The following ELAVL4 variants were observed in gnomAD, a reference collection of about 807,000 sequenced individuals.
The protein encoded by ELAVL4 is ELAV-like protein 4.
In ELAVL4, 1 loss-of-function variant was observed where a neutral mutation model predicts 35.6. That is an observed-to-expected ratio of 0.03 (90% CI 0.01 to 0.13). The LOEUF (loss-of-function observed/expected upper bound fraction) is 0.13, where lower values mean the gene tolerates loss of function less well. Among genes scored for constraint, ELAVL4 ranks in the 10% least tolerant of loss-of-function variants. The pLI, the probability that ELAVL4 is intolerant of heterozygous loss-of-function variation, is 1.00. For missense variants in ELAVL4, 267 were observed against 464.9 expected, an observed-to-expected ratio of 0.57 and a Z score of 3.91; for synonymous variants, 156 against 171.0, an observed-to-expected ratio of 0.91 and a Z score of 0.69.
intron 1 of ELAVL4, among the ~76,000 whole-genome samples, chr1:50,139,800 G>A (rs1260693891): frequency 6.6e-6 from 1 of 152,148 alleles, no homozygotes; most frequent in Non-Finnish European, 1.5e-5. Context: ...CCCTGGTGAT[G>A]ATCCGGCAGC....
At chr1:50,130,845 G>T (rs1670731024) in intron 1 of ELAVL4, among the ~76,000 whole-genome samples, 1 of 152,110 alleles carries the variant, frequency 6.6e-6, no homozygotes, top group Admixed American at 6.6e-5. Context: ...GGGAGGGGCT[G>T]CTCCAATGAA....
At chr1:50,193,136 C>T (rs978864255) in intron 3 of ELAVL4, among the ~76,000 whole-genome samples, 12 of 152,098 alleles carry the variant, frequency 7.9e-5, no homozygotes. Flanking sequence ...GCAGATGTGA[C>T]GACAAGGTCA....
chr1:50,203,716 G>A lies in ELAVL4; in HGVS notation c.*2538G>A, dbSNP rs1305928470. 2 of 152,106 alleles carry A rather than the reference G, an allele frequency of 1.3e-5. No homozygotes were observed. Among genetic ancestry groups the A allele is most frequent in the Non-Finnish European group, 1.5e-5 (1 of 67,974 alleles). The allele number at this position is 152,106 out of a possible 1,614,324, so 9.4% of individuals were successfully genotyped here. On this transcript the variant is annotated 3_prime_UTR_variant, in exon 7 of 7. Coordinates refer to ENST00000371824, the MANE Select transcript of ELAVL4 (RefSeq NM_001144774.3). ...TGTTTTTTTTTCATAATCTTGTTGT[G>A]TTTGAATTATTTGTACTTTATCTGT...
chr1:50,093,860 CTG>C (rs1230295600), intron 1 of ELAVL4, among the ~76,000 whole-genome samples: 1 of 152,154 alleles, frequency 6.6e-6, no homozygotes, highest in Non-Finnish European at 1.5e-5. Context: ...AGTAAATACT[CTG>C]TGAATATTTG....
chr1:50,099,835 T>G (rs1421084129), upstream of ELAVL4, among the ~76,000 whole-genome samples: 4 of 152,206 alleles, frequency 2.6e-5, no homozygotes, highest in African/African-American at 7.2e-5. Context: ...GACAAAATGT[T>G]TCCCTTGTAA....
chr1:50,091,263 A>G (rs1462901041), intron 1 of ELAVL4, among the ~76,000 whole-genome samples: 3 of 152,202 alleles, frequency 2.0e-5, no homozygotes, highest in Non-Finnish European at 2.9e-5. Context: ...GCCATTGCAG[A>G]TACGCTTACA....
intron 2 of ELAVL4, among the ~76,000 whole-genome samples, chr1:50,161,379 T>C (rs1383682872): frequency 6.6e-6 from 1 of 152,232 alleles, no homozygotes; most frequent in Non-Finnish European, 1.5e-5. Context: ...CCCAGGGTCA[T>C]CAGTCTGAAT....
intron 1 of ELAVL4, among the ~76,000 whole-genome samples, chr1:50,063,122 A>C (rs1268584276): frequency 6.6e-6 from 1 of 152,102 alleles, no homozygotes; most frequent in Non-Finnish European, 1.5e-5. Context: ...TTTCCAGTGG[A>C]TATATAGTCT....
At chr1:50,119,883 T>C (rs988111159) in intron 1 of ELAVL4, among the ~76,000 whole-genome samples, 5 of 151,894 alleles carry the variant, frequency 3.3e-5, no homozygotes, top group African/African-American at 1.2e-4. Context: ...TACTGTTAAC[T>C]CTTTTTTATA....
At chr1:50,105,560 A>C (rs1433554480), upstream of ELAVL4, 1 of 152,126 alleles carries the variant, frequency 6.6e-6, no homozygotes, top group African/African-American at 2.4e-5. Flanking sequence ...AGCTATTCCA[A>C]GGGGAAAAAA....
intron 1 of ELAVL4, among the ~76,000 whole-genome samples, chr1:50,073,948 G>T (rs1664645053): frequency 6.6e-6 from 1 of 152,224 alleles, no homozygotes; most frequent in Non-Finnish European, 1.5e-5. Context: ...TCTTGTGAAT[G>T]AGACTGTGAA....
chr1:50,119,750 T>TCTCA (rs1003882365), intron 1 of ELAVL4, among the ~76,000 whole-genome samples: 1 of 151,946 alleles, frequency 6.6e-6, no homozygotes, highest in African/African-American at 2.4e-5. Context: ...CTTCAGCTGT[T>TCTCA]CTCAGCATAG....
intron 1 of ELAVL4, among the ~76,000 whole-genome samples, chr1:50,059,586 T>A (rs1459545365): frequency 6.6e-6 from 1 of 151,902 alleles, no homozygotes; most frequent in Non-Finnish European, 1.5e-5. Context: ...AATGGAACCC[T>A]CCTGTTTTGC....
chr1:50,183,058 A>C (rs1681291276), intron 3 of ELAVL4, among the ~76,000 whole-genome samples: 1 of 151,858 alleles, frequency 6.6e-6, no homozygotes, highest in African/African-American at 2.4e-5. Context: ...GGGTTTCATC[A>C]TGTTGGCCAG....
At chr1:50,054,523 A>T (rs1024279068) in intron 1 of ELAVL4, among the ~76,000 whole-genome samples, 1 of 152,158 alleles carries the variant, frequency 6.6e-6, no homozygotes, top group African/African-American at 2.4e-5. Flanking sequence ...TAAAAGTGTG[A>T]GATCTGTCAA....
rs149572909 is a variant in ELAVL4, at chr1:50,057,254, G to T, written c.18+9072G>T. Reference sequence around the variant, plus strand: ...AAGGATATAAAGAAAGAAAATATTTGTGTACAGCTGTACATGTGTTTGTGT... The same window carrying T: ...AAGGATATAAAGAAAGAAAATATTTTTGTACAGCTGTACATGTGTTTGTGT... On this transcript the variant is annotated intron_variant, in intron 1 of 6. Transcript: ENST00000448907. 2.6e-4 allele frequency among the ~76,000 whole-genome samples: 40 copies of T among 152,144 alleles called. 1 individual carries two copies. The East Asian group carries it at 7.5e-3, about 29-fold the overall frequency.
At chr1:50,159,039 C>CAAAA (rs57361277) in intron 2 of ELAVL4, among the ~76,000 whole-genome samples, 3 of 74,884 alleles carry the variant, frequency 4.0e-5, no homozygotes, top group African/African-American at 4.6e-5. Context: ...GACTCCTTCT[C>CAAAA]AAAAAAAAAA....
upstream of ELAVL4, among the ~76,000 whole-genome samples, chr1:50,103,154 C>T (rs552113985): frequency 1.3e-5 from 2 of 152,288 alleles, no homozygotes; most frequent in South Asian, 4.1e-4. Flanking sequence ...GGTCCATTTA[C>T]CTGCACAGGT....
At chr1:50,068,090 A>G (rs186615655) in intron 1 of ELAVL4, among the ~76,000 whole-genome samples, 12 of 152,260 alleles carry the variant, frequency 7.9e-5, no homozygotes, top group Non-Finnish European at 1.0e-4. Context: ...ATAAACCACT[A>G]AACAGACAAA....
Sources: allele counts gnomAD v4.1 joint callset (sites outside exome capture counted in the v4.1 genomes callset), GRCh38; gene constraint gnomAD v4.1.1; transcripts MANE v1.5; gene names NCBI Gene and HGNC (gene_info 2026-07-23, HGNC 2026-07-21).